PTPRO: variants seen among roughly 807,000 people sequenced by gnomAD.
PTPRO encodes receptor-type tyrosine-protein phosphatase O.
PTPRO carries 62 observed loss-of-function variants against 145.2 expected under a neutral mutation model. The ratio of observed to expected loss-of-function variants is 0.43; its 90% CI spans 0.35 to 0.53. PTPRO has a LOEUF of 0.53. PTPRO is among the 20% of genes least tolerant of loss of function. The pLI is 0.01. For missense variants in PTPRO, 1,345 were observed against 1,482.7 expected (o/e 0.91, Z 1.53); for synonymous variants, 565 against 514.7 (o/e 1.10, Z -1.32).
chr12:15,379,339 T>C (rs1210855950), intron 1 of PTPRO, among the ~76,000 whole-genome samples: 1 of 146,362 alleles, frequency 6.8e-6, no homozygotes, highest in Non-Finnish European at 1.5e-5. Context: ...GCCAACATGG[T>C]GAAACCCCTG....
intron 1 of PTPRO, among the ~76,000 whole-genome samples, chr12:15,360,805 T>C (rs1256689204): frequency 1.3e-5 from 2 of 148,492 alleles, no homozygotes; most frequent in Non-Finnish European, 3.0e-5. Flanking sequence ...TGTGTGTATA[T>C]ATACGTGTGT....
intron 10 of PTPRO, among the ~76,000 whole-genome samples, chr12:15,522,245 T>A (rs1942738100): frequency 7.5e-6 from 1 of 133,976 alleles, no homozygotes; most frequent in African/African-American, 3.2e-5. Context: ...TATTTTAACC[T>A]TCTTTTTTTT....
intron 1 of PTPRO, among the ~76,000 whole-genome samples, chr12:15,336,128 A>G (rs941742960): frequency 6.6e-6 from 1 of 152,194 alleles, no homozygotes; most frequent in Non-Finnish European, 1.5e-5. Context: ...ACAGGCAGAA[A>G]AAGAATATCA....
intron 3 of PTPRO, 60 bp downstream of exon 3, chr12:15,497,463 C>T: frequency 1.3e-6 from 2 of 1,530,404 alleles, no homozygotes; most frequent in Non-Finnish European, 1.8e-6. Context: ...AAGCTTTTCC[C>T]AAATGATGTT....
At chr12:15,576,820 A>C (rs1362498239) in intron 19 of PTPRO, among the ~76,000 whole-genome samples, 1 of 152,214 alleles carries the variant, frequency 6.6e-6, no homozygotes. Flanking sequence ...CCTTCCAAGA[A>C]CATACAGTTT....
intron 1 of PTPRO, among the ~76,000 whole-genome samples, chr12:15,340,814 C>G (rs1866956514): frequency 6.6e-6 from 1 of 152,032 alleles, no homozygotes; most frequent in African/African-American, 2.4e-5. Context: ...CTCAGATTGG[C>G]CTTTCCCTCC....
chr12:15,415,618 C>A (rs879035266), intron 1 of PTPRO, among the ~76,000 whole-genome samples: 1 of 151,714 alleles, frequency 6.6e-6, no homozygotes. Context: ...ATCTCCCGAC[C>A]TTGTGATCCG....
chr12:15,426,444 G>T (rs573743084), intron 1 of PTPRO, among the ~76,000 whole-genome samples: 1 of 151,806 alleles, frequency 6.6e-6, no homozygotes, highest in African/African-American at 2.4e-5. Context: ...AAAACTATTC[G>T]TGATAATATT....
Position 15,484,458 on chromosome 12 carries a change from C to A in PTPRO, c.349+211C>A, listed in dbSNP as rs253849. On this transcript the variant is annotated intron_variant, in intron 2 of 26. Coordinates refer to ENST00000281171, the MANE Select transcript of PTPRO (RefSeq NM_030667.3). ...GTGATAACAAAAATATTTTTAAACCCAAAAAAGTAAACCTCAATGATGTAG... is the reference window on the plus strand; with the variant it reads ...GTGATAACAAAAATATTTTTAAACCAAAAAAAGTAAACCTCAATGATGTAG... Among the ~76,000 whole-genome samples the A allele has an allele frequency of 0.02, 3,022 of 151,966 alleles. 112 individuals are homozygous for A. The highest frequency in any genetic ancestry group is 0.14 in the East Asian group (717 of 5,170).
chr12:15,445,449 A>G (rs902325638), intron 1 of PTPRO, among the ~76,000 whole-genome samples: 3 of 152,272 alleles, frequency 2.0e-5, no homozygotes, highest in Admixed American at 6.5e-5. Flanking sequence ...GGCTGAAACA[A>G]TGTAAGTGCA....
chr12:15,499,707 A>G (rs552165984), intron 4 of PTPRO, 113 bp downstream of exon 4: 14 of 1,223,084 alleles, frequency 1.1e-5, no homozygotes, highest in Non-Finnish European at 1.5e-5. Context: ...AAGAAAATAT[A>G]TATGTTTAAT....
chr12:15,446,599 A>G (rs572119416), intron 1 of PTPRO, among the ~76,000 whole-genome samples: 2 of 152,074 alleles, frequency 1.3e-5, no homozygotes, highest in East Asian at 3.9e-4. Context: ...ATTCTTTGGA[A>G]TAAAATTCCA....
At chr12:15,442,270 G>A (rs377691161) in intron 1 of PTPRO, among the ~76,000 whole-genome samples, 2 of 151,890 alleles carry the variant, frequency 1.3e-5, no homozygotes, top group African/African-American at 2.4e-5. Context: ...TCAGACACAG[G>A]GAAAGCTTTT....
At chr12:15,550,349 G>T (rs1484886077) in intron 14 of PTPRO, among the ~76,000 whole-genome samples, 1 of 152,176 alleles carries the variant, frequency 6.6e-6, no homozygotes, top group Non-Finnish European at 1.5e-5. Context: ...TCTTCACATT[G>T]AGTAGGCTGA....
At chr12:15,417,440 A>T (rs1347269536) in intron 1 of PTPRO, among the ~76,000 whole-genome samples, 4 of 151,730 alleles carry the variant, frequency 2.6e-5, no homozygotes, top group African/African-American at 9.8e-5. Context: ...TCATGTCTTT[A>T]TGAAAATAGC....
intron 1 of PTPRO, among the ~76,000 whole-genome samples, chr12:15,431,399 T>A (rs747409881): frequency 6.6e-6 from 1 of 152,216 alleles, no homozygotes; most frequent in Non-Finnish European, 1.5e-5. Flanking sequence ...TAATTATTTA[T>A]CTTCCTTCAA....
chr12:15,496,140 T>C (rs1158861675), intron 2 of PTPRO, among the ~76,000 whole-genome samples: 5 of 100,550 alleles, frequency 5.0e-5, no homozygotes, highest in Admixed American at 4.3e-4. Flanking sequence ...TTTTCTTTTT[T>C]TGTTTTTTTT....
At chr12:15,430,668 T>C (rs1940410820) in intron 1 of PTPRO, among the ~76,000 whole-genome samples, 1 of 152,174 alleles carries the variant, frequency 6.6e-6, no homozygotes. Flanking sequence ...ACATCATGGA[T>C]GCTTAGTAAC....
rs374784833 is a variant in PTPRO at position 15,370,665 on chromosome 12, A to C, written c.75+47864A>C. 1.5e-3 allele frequency among the ~76,000 whole-genome samples: 222 copies of C among 152,254 alleles called. 6 individuals are homozygous for C. The South Asian group carries it at 0.044, about 30-fold the overall frequency. The stretch of plus-strand genomic sequence containing the variant: ...CTTAATCCATAAAACATTTTTGCAA[A>C]TCAATAGAGAAGAGGAATATTTCAA... On this transcript the variant is annotated intron_variant, in intron 1 of 26. Coordinates refer to ENST00000281171, the MANE Select transcript of PTPRO (RefSeq NM_030667.3).
Sources: gnomAD v4.1 joint callset for allele counts (sites outside exome capture counted in the v4.1 genomes callset) on GRCh38, gnomAD v4.1.1 for gene constraint, MANE v1.5 for transcripts, NCBI Gene and HGNC (gene_info 2026-07-23, HGNC 2026-07-21) for gene names.